USP34: variants seen among roughly 807,000 people sequenced by gnomAD.
The protein encoded by USP34 is ubiquitin specific peptidase 34.
USP34 carries 70 observed loss-of-function variants against 460.3 expected under a neutral mutation model. The ratio of observed to expected loss-of-function variants is 0.15; its 90% CI spans 0.13 to 0.19. The LOEUF is 0.19. USP34 is among the 10% of genes least tolerant of loss of function. The probability of loss-of-function intolerance (pLI) is 1.00; values close to 1 mark genes in which losing one functional copy is unlikely to be tolerated. For missense variants in USP34, 3,985 were observed against 4,236.2 expected (o/e 0.94, Z 1.65); for synonymous variants, 1,647 against 1,405.3 (o/e 1.17, Z -3.85).
chr2:61,389,234 G>T (rs1693267401), intron 5 of USP34, among the ~76,000 whole-genome samples: 4 of 151,100 alleles, frequency 2.6e-5, no homozygotes. Flanking sequence ...GGCTTCTGGG[G>T]AGTTGACAAT....
Position 61,296,745 on chromosome 2 carries a change from A to C in USP34, c.4254+55T>G. ...ACAGGCAATCTTCTACACTGTCAAT[A>C]GGAATGTAAACTGGTAACAGCCTCT... On this transcript the variant is annotated intron_variant, in intron 30 of 79. Coordinates refer to ENST00000398571, the MANE Select transcript of USP34 (RefSeq NM_014709.4). 5 of 1,559,812 alleles carry C rather than the reference A, an allele frequency of 3.2e-6. No homozygotes were observed. The South Asian group carries it at 6.0e-5, about 19-fold the overall frequency.
intron 2 of USP34, among the ~76,000 whole-genome samples, chr2:61,414,876 C>A (rs577497383): frequency 7.1e-4 from 108 of 152,074 alleles, no homozygotes; most frequent in Non-Finnish European, 1.4e-3. Flanking sequence ...ATGCAAACAT[C>A]TGATTGGTTA....
intron 43 of USP34, among the ~76,000 whole-genome samples, chr2:61,260,850 A>G (rs1345643602): frequency 6.6e-6 from 1 of 152,226 alleles, no homozygotes; most frequent in African/African-American, 2.4e-5. Flanking sequence ...AGAATGAAGT[A>G]TGAGTTGGCT....
intron 41 of USP34, among the ~76,000 whole-genome samples, chr2:61,267,429 A>G (rs910683510): frequency 6.6e-6 from 1 of 152,070 alleles, no homozygotes; most frequent in African/African-American, 2.4e-5. Flanking sequence ...GGAAATATGG[A>G]AAGTGGTTAG....
intron 59 of USP34, 150 bp downstream of exon 59, chr2:61,229,398 G>A: frequency 2.0e-6 from 1 of 499,650 alleles, no homozygotes; most frequent in Non-Finnish European, 3.3e-6. Context: ...GAGGCGGGCG[G>A]ATCATTTGAA....
rs558349957 is a variant in USP34 at position 61,427,379 on chromosome 2, T to A, written c.44-6546A>T. 1.5e-4 allele frequency among the ~76,000 whole-genome samples: 23 copies of A among 152,156 alleles called. No individual in the cohort carries two copies. In the South Asian group the frequency reaches 4.8e-3, roughly 31 times the overall value. ...CCTTCCCAAGAAGGACAGCTTCAAA[T>A]AAGGCCAGACAGTGAAGACTACAAT... is the stretch of plus-strand genomic sequence containing the variant. On this transcript the variant is annotated intron_variant, in intron 1 of 79. Coordinates refer to ENST00000398571, the MANE Select transcript of USP34 (RefSeq NM_014709.4).
At chr2:61,430,826 C>A (rs1694650247) in intron 1 of USP34, among the ~76,000 whole-genome samples, 1 of 151,978 alleles carries the variant, frequency 6.6e-6, no homozygotes, top group South Asian at 2.1e-4. Context: ...CCACCCTGGG[C>A]AACCCCTTCG....
At chr2:61,370,295 C>A (rs1558554391) in intron 10 of USP34, 26 bp downstream of exon 10, 4 of 1,604,694 alleles carry the variant, frequency 2.5e-6, no homozygotes, top group Admixed American at 1.7e-5. Flanking sequence ...GCAAAGCACT[C>A]AATAAATGTG....
intron 27 of USP34, among the ~76,000 whole-genome samples, chr2:61,305,041 G>A (rs777801016): frequency 4.6e-5 from 7 of 152,014 alleles, no homozygotes; most frequent in Non-Finnish European, 8.8e-5. Context: ...TTTTACAGAC[G>A]TAGGACGGGT....
At chr2:61,364,916 C>T (rs759587980) in intron 10 of USP34, among the ~76,000 whole-genome samples, 2 of 151,564 alleles carry the variant, frequency 1.3e-5, no homozygotes, top group Non-Finnish European at 2.9e-5. Flanking sequence ...GGCAACAGAG[C>T]AAGACTCTGT....
At chr2:61,274,459 T>C (rs1302799872) in intron 41 of USP34, among the ~76,000 whole-genome samples, 1 of 149,444 alleles carries the variant, frequency 6.7e-6, no homozygotes, top group South Asian at 2.1e-4. Context: ...AAAAAAAAAC[T>C]TGCAATTCAT....
chr2:61,235,639 A>C (rs1428055910), intron 57 of USP34, among the ~76,000 whole-genome samples: 1 of 152,048 alleles, frequency 6.6e-6, no homozygotes. Context: ...ATGAATTTTT[A>C]AGTGACTTAA....
chr2:61,462,400 T>C (rs577366831), intron 1 of USP34, among the ~76,000 whole-genome samples: 19 of 151,398 alleles, frequency 1.3e-4, no homozygotes, highest in Middle Eastern at 6.8e-3. Context: ...AACACAAATA[T>C]TAGCTGGGCA....
intron 1 of USP34, among the ~76,000 whole-genome samples, chr2:61,448,346 G>A (rs1357056352): frequency 2.0e-5 from 3 of 152,196 alleles, no homozygotes; most frequent in Non-Finnish European, 4.4e-5. Context: ...GGTGGCACAT[G>A]CCTGCAGTCC....
chr2:61,270,837 C>G (rs980078752), intron 41 of USP34, among the ~76,000 whole-genome samples: 1 of 152,194 alleles, frequency 6.6e-6, no homozygotes, highest in African/African-American at 2.4e-5. Flanking sequence ...AGATGGCCAC[C>G]AAGTTTCTCC....
intron 2 of USP34, among the ~76,000 whole-genome samples, chr2:61,407,369 G>T (rs556573555): frequency 6.6e-6 from 1 of 152,298 alleles, no homozygotes; most frequent in East Asian, 1.9e-4. Context: ...TCAAAAAAAG[G>T]CAGGGAACGG....
intron 66 of USP34, 54 bp downstream of exon 66, chr2:61,221,447 TA>T: frequency 1.3e-6 from 2 of 1,488,918 alleles, no homozygotes; most frequent in Non-Finnish European, 1.8e-6. Context: ...GACTATATTA[TA>T]AAAATAAAAT....
chr2:61,191,111 A>G (rs1686628278), intron 76 of USP34: 1 of 154,604 alleles, frequency 6.5e-6, no homozygotes, highest in South Asian at 2.0e-4. Context: ...ACTTTACTGT[A>G]TATTCTCGCT....
intron 5 of USP34, among the ~76,000 whole-genome samples, chr2:61,383,560 G>A (rs569940851): frequency 9.2e-5 from 14 of 151,986 alleles, no homozygotes; most frequent in East Asian, 7.7e-4. Context: ...AAAATTAGCC[G>A]GGCATGGTGG....
Sources: allele counts gnomAD v4.1 joint callset (sites outside exome capture counted in the v4.1 genomes callset), GRCh38; gene constraint gnomAD v4.1.1; transcripts MANE v1.5; gene names NCBI Gene and HGNC (gene_info 2026-07-23, HGNC 2026-07-21).